Variants in TECPR2 observed in about 807,000 individuals in gnomAD.
TECPR2 encodes tectonin beta-propeller repeat-containing protein 2.
A neutral mutation model predicts 138.1 loss-of-function variants in TECPR2; 65 were observed. The observed-to-expected ratio is 0.47, with a 90% confidence interval of 0.39 to 0.58. The LOEUF is 0.58. Ranked by LOEUF, TECPR2 falls within the 20% of genes least tolerant of loss-of-function variation. The pLI, the probability that TECPR2 is intolerant of heterozygous loss-of-function variation, is 0.00. For missense variants in TECPR2, 1,553 were observed against 1,824.5 expected (o/e 0.85, Z 2.71); for synonymous variants, 746 against 749.8 (o/e 0.99, Z 0.08).
Position 102,443,740 on chromosome 14 carries a change from C to A in TECPR2, c.2846C>A (p.Ala949Glu). Reference protein sequence around the residue: ...QITARNNVVWALTEQRALLYR... With the variant: ...QITARNNVVWELTEQRALLYR... The stretch of plus-strand genomic sequence containing the variant: ...ACAGCCCGGAACAATGTGGTGTGGG[C>A]GCTGACAGAGCAGAGGGCCCTCCTG... Residue 949 changes from alanine (A) to glutamate (E), a missense_variant, in exon 12 of 20, where the codon GCG becomes GAG. Ala to Glu is a moderately radical substitution (Grantham distance 107, BLOSUM62 -1). Coordinates refer to ENST00000359520, the MANE Select transcript of TECPR2 (RefSeq NM_014844.5). This position sits in a 1 kb window ranked among gnomAD's most constrained non-coding sequence, Gnocchi z 4.9. 1 of 1,612,776 alleles carries A rather than the reference C, an allele frequency of 6.2e-7. No individual in the cohort carries two copies. The highest frequency in any genetic ancestry group is 8.5e-7 in the Non-Finnish European group (1 of 1,179,028).
At chr14:102,452,724 C>A (rs945015221) in intron 16 of TECPR2, 97 bp downstream of exon 16, 25 of 966,322 alleles carry the variant, frequency 2.6e-5, no homozygotes, top group Non-Finnish European at 3.9e-5. Context: ...CTGTGTCCAA[C>A]CTGTGAGAGT....
chr14:102,474,311 A>G (rs1325759008), intron 17 of TECPR2, among the ~76,000 whole-genome samples: 2 of 151,988 alleles, frequency 1.3e-5, no homozygotes, highest in African/African-American at 4.8e-5. Flanking sequence ...CTGAAAACCT[A>G]GAAGAAACTA....
rs1407123866 is a variant in TECPR2, at chr14:102,440,600, T to A, written c.2743T>A (p.Leu915Met). 15 of 1,613,212 alleles carry A rather than the reference T, an allele frequency of 9.3e-6. No individual in the cohort carries two copies. The highest frequency in any genetic ancestry group is 1.3e-5 in the Non-Finnish European group (15 of 1,179,604). The change falls in exon 11 of 20, where the codon TTG becomes ATG. Residue 915 changes from leucine (L) to methionine (M), a missense_variant. Coordinates refer to ENST00000359520, the MANE Select transcript of TECPR2 (RefSeq NM_014844.5). ...WIIRTSGDLY[L>M]QTGLSVDRPC... is the part of the protein sequence containing the mutation. The stretch of plus-strand genomic sequence containing the variant: ...CATCAGGACCAGTGGGGACCTATAC[T>A]TGCAGACAGGTAACCGCGGGCCACG...
intron 1 of TECPR2, among the ~76,000 whole-genome samples, chr14:102,370,970 T>C (rs1190821889): frequency 6.6e-6 from 1 of 152,168 alleles, no homozygotes; most frequent in African/African-American, 2.4e-5. Flanking sequence ...TAGGTAAGTG[T>C]CTTTGACATT....
At chr14:102,459,872 G>A (rs1227901554) in intron 16 of TECPR2, among the ~76,000 whole-genome samples, 1 of 152,192 alleles carries the variant, frequency 6.6e-6, no homozygotes, top group Non-Finnish European at 1.5e-5. Flanking sequence ...AAGCAGCCTT[G>A]GACAGCATGA....
intron 4 of TECPR2, among the ~76,000 whole-genome samples, chr14:102,412,924 A>G (rs1178602344): frequency 6.6e-6 from 1 of 152,054 alleles, no homozygotes; most frequent in African/African-American, 2.4e-5. Context: ...GCAAAACCCC[A>G]TTTCTACCAA....
intron 2 of TECPR2, 73 bp downstream of exon 2, chr14:102,377,013 A>T: frequency 6.8e-7 from 1 of 1,479,420 alleles, no homozygotes; most frequent in African/African-American, 1.4e-5. Flanking sequence ...GTGTTCTAGG[A>T]TGAGATAATT....
At chr14:102,402,840 GA>G in intron 2 of TECPR2, among the ~76,000 whole-genome samples, 1 of 152,090 alleles carries the variant, frequency 6.6e-6, no homozygotes, top group Non-Finnish European at 1.5e-5. Context: ...ACTAAACCGT[GA>G]AAAAATAGAA....
At chr14:102,437,988 C>T (rs1318034596) in intron 9 of TECPR2, 34 bp from the exon 10 acceptor site, 3 of 1,603,954 alleles carry the variant, frequency 1.9e-6, no homozygotes, top group Non-Finnish European at 2.6e-6. Context: ...GCTGTGTCCT[C>T]TGCCACAGAA....
rs1218300813 is a variant in TECPR2, at chr14:102,411,694, T to C, written c.481-2942T>C. 6.1e-5 allele frequency among the ~76,000 whole-genome samples: 3 copies of C among 49,104 alleles called. No individual in the cohort carries two copies. The East Asian group carries it at 1.0e-3, about 17-fold the overall frequency. 32.2% of individuals were successfully genotyped at this position (49,104 alleles called of 152,430 possible). A position where few individuals can be genotyped will look rare whatever the true frequency, so the allele number is the denominator to read the frequency against. On this transcript the variant is annotated intron_variant, in intron 4 of 19. Transcript: ENST00000359520. Reference sequence around the variant, plus strand: ...CACCCAGGTGAAATAAACAGCCATGTTGCTCAAAAAAAAAAAAAAAAAAAA... The same window carrying C: ...CACCCAGGTGAAATAAACAGCCATGCTGCTCAAAAAAAAAAAAAAAAAAAA...
rs1386240162 is a variant in TECPR2, at chr14:102,434,662, C to A, written c.1845C>A (p.Phe615Leu). 6.2e-7 allele frequency: 1 copy of A among 1,607,502 alleles called. No individual in the cohort carries two copies. Among genetic ancestry groups the A allele is most frequent in the Non-Finnish European group, 8.5e-7 (1 of 1,175,368 alleles). ...DDGPNSTQLP[F>L]QEQDSSPGAH... ...GACCAAATAGCACACAGTTACCCTT[C>A]CAAGAACAGGACAGCTCTCCTGGGG... The change falls in exon 9 of 20, where the codon TTC becomes TTA. Residue 615 changes from phenylalanine to leucine, a missense_variant. Physicochemically the swap from Phe to Leu is conservative, Grantham distance 22. Transcript: ENST00000359520.
chr14:102,411,278 G>C (rs1241498506), intron 4 of TECPR2, among the ~76,000 whole-genome samples: 1 of 152,188 alleles, frequency 6.6e-6, no homozygotes, highest in African/African-American at 2.4e-5. Context: ...ATTAATATAA[G>C]AAGGCAGGAA....
At chr14:102,399,654 C>A (rs1888416300) in intron 2 of TECPR2, among the ~76,000 whole-genome samples, 1 of 151,996 alleles carries the variant, frequency 6.6e-6, no homozygotes, top group Non-Finnish European at 1.5e-5. Context: ...CATGGTGAAA[C>A]CCCATCTCTA....
chr14:102,403,692 C>A (rs1888561447), intron 2 of TECPR2, among the ~76,000 whole-genome samples: 1 of 151,830 alleles, frequency 6.6e-6, no homozygotes, highest in Non-Finnish European at 1.5e-5. Context: ...CATACAAAGT[C>A]AATGCACAAA....
chr14:102,490,687 A>C (rs1246847464), intron 17 of TECPR2, among the ~76,000 whole-genome samples: 1 of 152,154 alleles, frequency 6.6e-6, no homozygotes, highest in Non-Finnish European at 1.5e-5. Context: ...CCACTTTGCC[A>C]GTCCTTCAGC....
intron 16 of TECPR2, among the ~76,000 whole-genome samples, chr14:102,462,379 T>C (rs1279263614): frequency 6.6e-6 from 1 of 152,218 alleles, no homozygotes; most frequent in Non-Finnish European, 1.5e-5. Flanking sequence ...AAACATTCTG[T>C]ACAAGATCAA....
At chr14:102,463,140 G>A (rs896601663) in intron 16 of TECPR2, among the ~76,000 whole-genome samples, 3 of 152,194 alleles carry the variant, frequency 2.0e-5, no homozygotes, top group Admixed American at 1.3e-4. Flanking sequence ...AATGAAACAG[G>A]CCGGGCGCAG....
In TECPR2 at chr14:102,431,867, G is replaced by A. The variant is rs11845676; in HGVS notation, c.1156G>A (p.Ala386Thr). 0.012 allele frequency: 18,937 copies of A among 1,603,288 alleles called. 613 individuals are homozygous for A. The African/African-American group carries it at 0.12, about 10-fold the overall frequency. The change falls in exon 8 of 20, where the codon GCC (alanine) becomes ACC (threonine). Residue 386 changes from alanine (A) to threonine (T), a missense_variant. Coordinates refer to ENST00000359520, the MANE Select transcript of TECPR2 (RefSeq NM_014844.5). ...GCAGCAAGCGGAGAAGCTGCCAGGGGCCACAGTTTCTGAGACGAGGCTCAG... is the reference window on the plus strand; with the variant it reads ...GCAGCAAGCGGAGAAGCTGCCAGGGACCACAGTTTCTGAGACGAGGCTCAG... The part of the protein sequence containing the change: ...HVQQAEKLPG[A>T]TVSETRLRGS...
At chr14:102,455,207 G>A (rs1307513287) in intron 16 of TECPR2, among the ~76,000 whole-genome samples, 1 of 152,190 alleles carries the variant, frequency 6.6e-6, no homozygotes, top group Non-Finnish European at 1.5e-5. Flanking sequence ...CAGAGGGATG[G>A]CCTGGGGATC....
Sources: allele counts gnomAD v4.1 joint callset (sites outside exome capture counted in the v4.1 genomes callset), GRCh38; gene constraint gnomAD v4.1.1; non-coding constraint Gnocchi (gnomAD v3.1); transcripts MANE v1.5; gene names NCBI Gene and HGNC (gene_info 2026-07-23, HGNC 2026-07-21).